Variants in CACNA1C observed in about 807,000 individuals in gnomAD.
The protein encoded by CACNA1C is calcium voltage-gated channel subunit alpha1 C.
In CACNA1C, 30 loss-of-function variants were observed where a neutral mutation model predicts 229.0. The observed-to-expected ratio is 0.13, with a 90% CI of 0.10 to 0.18. CACNA1C has a LOEUF of 0.18. Among genes scored for constraint, CACNA1C ranks in the 10% least tolerant of loss-of-function variants. CACNA1C has a pLI of 1.00. For missense variants in CACNA1C, 1,658 were observed against 2,845.0 expected (o/e 0.58, Z 9.49); for synonymous variants, 1,114 against 1,132.5 (o/e 0.98, Z 0.33).
chr12:2,140,364 C>T (rs1189356106), intron 3 of CACNA1C, among the ~76,000 whole-genome samples: 1 of 151,474 alleles, frequency 6.6e-6, no homozygotes, highest in African/African-American at 2.4e-5. Flanking sequence ...GTTCTTAACA[C>T]AGTTCCTGAA....
At chr12:2,035,719 C>T (rs915118192) in intron 1 of CACNA1C, among the ~76,000 whole-genome samples, 12 of 152,224 alleles carry the variant, frequency 7.9e-5, no homozygotes, top group Non-Finnish European at 1.5e-4. Context: ...AGGGGATCAT[C>T]TTATTATTTT....
intron 10 of CACNA1C, among the ~76,000 whole-genome samples, chr12:2,551,911 G>C (rs2099904934): frequency 6.6e-6 from 1 of 152,128 alleles, no homozygotes; most frequent in Non-Finnish European, 1.5e-5. Context: ...GGGTGTCATG[G>C]AGACCACGAG....
chr12:2,319,467 G>A lies in CACNA1C; in HGVS notation c.478-129509G>A, dbSNP rs192070688. Among the ~76,000 whole-genome samples the A allele has an allele frequency of 6.4e-4, 98 of 152,202 alleles. No individual in the cohort carries two copies. The highest frequency in any genetic ancestry group is 2.1e-3 in the African/African-American group (89 of 41,524). On this transcript the variant is annotated intron_variant, in intron 3 of 46. Transcript: ENST00000399655. The surrounding 1 kb of genome is among the most constrained non-coding windows in gnomAD (Gnocchi z 4.0). The stretch of plus-strand genomic sequence containing the variant: ...CAGGAGGAAGAGACCTCGCTCCCAC[G>A]CCACAGCCCCAGGCCCCAGGCCCCT...
At chr12:1,981,618 G>A (rs993583880) in intron 1 of CACNA1C, among the ~76,000 whole-genome samples, 1 of 152,122 alleles carries the variant, frequency 6.6e-6, no homozygotes, top group Non-Finnish European at 1.5e-5. Flanking sequence ...AACTGTAAGG[G>A]GGAAGGGATA....
intron 3 of CACNA1C, among the ~76,000 whole-genome samples, chr12:2,245,992 C>G (rs1365142785): frequency 6.6e-6 from 1 of 152,164 alleles, no homozygotes; most frequent in Non-Finnish European, 1.5e-5. Flanking sequence ...CATGTTGTTG[C>G]TTAGTTGGAG....
intron 3 of CACNA1C, among the ~76,000 whole-genome samples, chr12:2,323,502 C>T (rs1167641293): frequency 6.6e-6 from 1 of 152,078 alleles, no homozygotes; most frequent in Non-Finnish European, 1.5e-5. Context: ...TTAGAGTAGA[C>T]CCACATAGGA....
chr12:2,191,993 CAT>C (rs1051172369), intron 3 of CACNA1C, among the ~76,000 whole-genome samples: 12 of 152,188 alleles, frequency 7.9e-5, no homozygotes, highest in South Asian at 2.1e-4. Flanking sequence ...CGCACGCACA[CAT>C]GTATTCACAC....
At position 2,667,322 on chromosome 12, in the gene CACNA1C, G is replaced by GTGGCCACTCCA. The variant is rs1569149488; in HGVS notation, c.4623+542_4623+543insGCCACTCCATG. 7.0e-4 allele frequency among the ~76,000 whole-genome samples: 101 copies of GTGGCCACTCCA among 145,134 alleles called. 1 individual carries two copies. The highest frequency in any genetic ancestry group is 2.5e-3 in the African/African-American group (89 of 35,346). Reference sequence around the variant, plus strand: ...CCCTCCTCTCCACCGTGGCCATTCCGTGCTCCTTGTTGGGGCAATAATGAG... The same window carrying GTGGCCACTCCA: ...CCCTCCTCTCCACCGTGGCCATTCCGTGGCCACTCCATGCTCCTTGTTGGGGCAATAATGAG... On this transcript the variant is annotated intron_variant, in intron 37 of 46. Coordinates refer to ENST00000399655, the MANE Select transcript of CACNA1C (RefSeq NM_000719.7).
chr12:2,422,485 C>T (rs904752228), intron 3 of CACNA1C, among the ~76,000 whole-genome samples: 10 of 152,072 alleles, frequency 6.6e-5, no homozygotes, highest in Non-Finnish European at 1.3e-4. Context: ...AGTTTCAGAG[C>T]ATTTCTGCCC....
chr12:2,644,840 TC>T (rs2094158207), intron 30 of CACNA1C, among the ~76,000 whole-genome samples: 1 of 152,050 alleles, frequency 6.6e-6, no homozygotes, highest in Non-Finnish European at 1.5e-5. Context: ...CCTGCACCAC[TC>T]CCCTCCTCAC....
intron 3 of CACNA1C, among the ~76,000 whole-genome samples, chr12:2,228,194 T>C (rs1441210858): frequency 1.3e-5 from 2 of 152,176 alleles, no homozygotes; most frequent in African/African-American, 4.8e-5. Flanking sequence ...TCCCACACCT[T>C]ACACAGGGAA....
At chr12:2,206,589 A>C (rs1439648116) in intron 3 of CACNA1C, among the ~76,000 whole-genome samples, 3 of 152,038 alleles carry the variant, frequency 2.0e-5, no homozygotes, top group African/African-American at 7.2e-5. Flanking sequence ...GTGTGTACCC[A>C]CCTCCCTACC....
At chr12:2,310,686 C>T (rs566422596) in intron 3 of CACNA1C, among the ~76,000 whole-genome samples, 36 of 152,224 alleles carry the variant, frequency 2.4e-4, no homozygotes, top group Non-Finnish European at 3.7e-4. Context: ...CTAGAGGAAA[C>T]CTGCAAGGGC....
chr12:2,304,237 T>C (rs1388971896), intron 3 of CACNA1C, among the ~76,000 whole-genome samples: 7 of 151,996 alleles, frequency 4.6e-5, no homozygotes, highest in Admixed American at 3.3e-4. Flanking sequence ...GCCGGGCGTG[T>C]GTGTGAGGCG....
intron 1 of CACNA1C, among the ~76,000 whole-genome samples, chr12:2,079,751 G>A (rs1595278532): frequency 6.6e-6 from 1 of 152,050 alleles, no homozygotes; most frequent in South Asian, 2.1e-4. Context: ...ATACCCATAG[G>A]ACCCTTCAAA....
intron 3 of CACNA1C, among the ~76,000 whole-genome samples, chr12:2,136,262 C>G (rs976959763): frequency 2.0e-5 from 3 of 151,406 alleles, no homozygotes; most frequent in Non-Finnish European, 4.4e-5. Flanking sequence ...TCTTCTGCGT[C>G]GGTCACGCTG....
rs2097786770 is a variant in CACNA1C at position 2,691,401 on chromosome 12, A to AGC, written c.*203_*204insCG. ...CCCGGCTGCGTCTGCAGAGGCGGGG[A>AGC]GAGGAGGCGGCGAGGGTCCCGGGGC... On this transcript the variant is annotated 3_prime_UTR_variant, in exon 47 of 47. Transcript: ENST00000399655. 6.0e-6 allele frequency: 3 copies of AGC among 499,880 alleles called. No homozygotes were observed. In the South Asian group the frequency reaches 2.5e-4, roughly 41 times the overall value. The allele number at this position is 499,880 out of a possible 1,614,324, so 31.0% of individuals were successfully genotyped here.
intron 6 of CACNA1C, among the ~76,000 whole-genome samples, chr12:2,490,417 G>A (rs1438049367): frequency 1.3e-5 from 2 of 152,194 alleles, no homozygotes; most frequent in Non-Finnish European, 2.9e-5. Context: ...CTGCGAAAAA[G>A]CAAAACATGA....
At chr12:2,425,844 T>C (rs2099026208) in intron 3 of CACNA1C, among the ~76,000 whole-genome samples, 3 of 152,272 alleles carry the variant, frequency 2.0e-5, no homozygotes, top group Middle Eastern at 3.4e-3. Context: ...GTCACAAGAA[T>C]GAGAAGAAAA....
Sources: allele counts gnomAD v4.1 joint callset (sites outside exome capture counted in the v4.1 genomes callset), GRCh38; gene constraint gnomAD v4.1.1; non-coding constraint Gnocchi (gnomAD v3.1); transcripts MANE v1.5; gene names NCBI Gene and HGNC (gene_info 2026-07-23, HGNC 2026-07-21).